Variants in VARS2 observed in about 807,000 individuals in gnomAD.
VARS2 encodes the protein valine--tRNA ligase, mitochondrial.
A neutral mutation model predicts 154.1 loss-of-function variants in VARS2; 105 were observed. That is an observed-to-expected ratio of 0.68 (90% CI 0.58 to 0.80). The LOEUF (loss-of-function observed/expected upper bound fraction) is 0.80, where lower values mean the gene tolerates loss of function less well. VARS2 is among the 30% of genes least tolerant of loss of function. The probability of loss-of-function intolerance (pLI) is 0.00; values close to 1 mark genes in which losing one functional copy is unlikely to be tolerated. For missense variants in VARS2, 1,157 were observed against 1,361.4 expected, an observed-to-expected ratio of 0.85 and a Z score of 2.36; for synonymous variants, 483 against 539.5, an observed-to-expected ratio of 0.90 and a Z score of 1.45.
chr6:30,918,256 C>T (rs962294265), intron 10 of VARS2, among the ~76,000 whole-genome samples: 1 of 152,078 alleles, frequency 6.6e-6, no homozygotes, highest in Non-Finnish European at 1.5e-5. Flanking sequence ...TTAGTAGAGA[C>T]GGGGTTTCAC....
rs757612444 is a variant in VARS2 at position 30,922,489 on chromosome 6, A to C, written c.1972A>C (p.Lys658Gln). The change falls in exon 21 of 30, where the codon AAG (lysine) becomes CAG (glutamine). Residue 658 changes from lysine to glutamine, a missense_variant. Lys to Gln is a moderately conservative substitution (Grantham distance 53). Coordinates refer to ENST00000676266, the MANE Select transcript of VARS2 (RefSeq NM_020442.6). The stretch of plus-strand genomic sequence containing the variant: ...CATGGTTCGGGACAGGCAGGGCCGG[A>C]AGATGAGCAAGTCCCTGGGGAATGT... ...HPMVRDRQGR[K>Q]MSKSLGNVLD... 1.9e-6 allele frequency: 3 copies of C among 1,598,466 alleles called. No individual in the cohort carries two copies. The highest frequency in any genetic ancestry group is 2.6e-6 in the Non-Finnish European group (3 of 1,173,154).
Position 30,920,667 on chromosome 6 carries a change from G to C in VARS2, c.1398-1G>C, listed in dbSNP as rs1404158345. 7.0e-6 allele frequency: 11 copies of C among 1,576,668 alleles called. No individual in the cohort carries two copies. The highest frequency in any genetic ancestry group is 9.5e-6 in the Non-Finnish European group (11 of 1,160,886). The stretch of plus-strand genomic sequence containing the variant: ...GTGGACTCACCCTGTCTCTCTTTCA[G>C]CCGTTCTGGGGATGTGATAGAATAC... On this transcript the variant is annotated splice_acceptor_variant, in intron 14 of 29. Coordinates refer to ENST00000676266, the MANE Select transcript of VARS2 (RefSeq NM_020442.6). LOFTEE classifies it high-confidence loss of function. The surrounding 1 kb of genome is among the most constrained non-coding windows in gnomAD (Gnocchi z 4.6).
In VARS2 at chr6:30,919,082, T is replaced by A; in HGVS notation, c.1074+167T>A. 1.6e-6 allele frequency: 1 copy of A among 637,736 alleles called. No individual in the cohort carries two copies. The highest frequency in any genetic ancestry group is 2.7e-6 in the Non-Finnish European group (1 of 372,900). 39.5% of individuals were successfully genotyped at this position (637,736 alleles called of 1,614,324 possible). On this transcript the variant is annotated intron_variant, in intron 11 of 29. Coordinates refer to ENST00000676266, the MANE Select transcript of VARS2 (RefSeq NM_020442.6). This position sits in a 1 kb window ranked among gnomAD's most constrained non-coding sequence, Gnocchi z 4.5. ...CCTCCTCTTATAGTTTTTCTGTAGC[T>A]CAGGGGTTGACAAACTGGCCCATGG...
Position 30,924,544 on chromosome 6 carries a change from C to T in VARS2, c.2657C>T (p.Pro886Leu), listed in dbSNP as rs776424612. 6.5e-7 allele frequency: 1 copy of T among 1,546,172 alleles called. No individual in the cohort carries two copies. The highest frequency in any genetic ancestry group is 1.4e-5 in the African/African-American group (1 of 73,158). Residue 886 changes from proline (P) to leucine (L), a missense_variant, in exon 26 of 30, where the codon CCC becomes CTC. Coordinates refer to ENST00000676266, the MANE Select transcript of VARS2 (RefSeq NM_020442.6). Reference sequence around the variant, plus strand: ...CCCAGCATCTCGGTTGCCCCCTACCCCAGCGCCTGCAGCTTGGTGAGTCCC... The same window carrying T: ...CCCAGCATCTCGGTTGCCCCCTACCTCAGCGCCTGCAGCTTGGTGAGTCCC... ...PAPSISVAPY[P>L]SACSLEHWRQ...
In VARS2 at chr6:30,915,770, G is replaced by A; in HGVS notation, c.409G>A (p.Glu137Lys). ...YQARLPQATG[E>K]TFSMCIPPPN... ...GGCCCGGCTGCCCCAAGCTACAGGG[G>A]AGACCTTTTCCATGTGTATCCCACC... Residue 137 changes from glutamate to lysine, a missense_variant, in exon 5 of 30, where the codon GAG (glutamate) becomes AAG (lysine). Transcript: ENST00000676266. 1 of 1,613,598 alleles carries A rather than the reference G, an allele frequency of 6.2e-7. No homozygotes were observed. The highest frequency in any genetic ancestry group is 8.5e-7 in the Non-Finnish European group (1 of 1,180,038).
rs1430755410 is a variant in VARS2 at position 30,925,642 on chromosome 6, C to T, written c.2884C>T (p.Pro962Ser). The part of the protein sequence containing the change: ...LGYCGAVGLL[P>S]PGAAAPSGWA... Reference sequence around the variant, plus strand: ...CTACTGTGGGGCTGTGGGCCTGTTACCCCCAGGCGCAGCAGCTCCCTCCGG... The same window carrying T: ...CTACTGTGGGGCTGTGGGCCTGTTATCCCCAGGCGCAGCAGCTCCCTCCGG... Residue 962 changes from proline (P) to serine (S), a missense_variant, in exon 28 of 30, where the codon CCC becomes TCC. Coordinates refer to ENST00000676266, the MANE Select transcript of VARS2 (RefSeq NM_020442.6). 2 of 1,610,896 alleles carry T rather than the reference C, an allele frequency of 1.2e-6. No individual in the cohort carries two copies. Among genetic ancestry groups the T allele is most frequent in the Admixed American group, 1.7e-5 (1 of 59,898 alleles).
In VARS2 at chr6:30,919,504, T is replaced by C. The variant is rs761255368; in HGVS notation, c.1075-254T>C. 8.1e-6 allele frequency: 3 copies of C among 369,166 alleles called. No homozygotes were observed. The highest frequency in any genetic ancestry group is 1.5e-5 in the Non-Finnish European group (3 of 206,470). The allele number at this position is 369,166 out of a possible 1,614,324, so 22.9% of individuals were successfully genotyped here. A position where few individuals can be genotyped will look rare whatever the true frequency, so the allele number is the denominator to read the frequency against. On this transcript the variant is annotated intron_variant, in intron 11 of 29. Coordinates refer to ENST00000676266, the MANE Select transcript of VARS2 (RefSeq NM_020442.6). The surrounding 1 kb of genome is among the most constrained non-coding windows in gnomAD (Gnocchi z 4.5). ...CTGGCTGCTTGCAGCCTTTATATTA[T>C]CTATGGCTGCTATTATATACCCTCT...
chr6:30,916,209 C>A lies in VARS2; in HGVS notation c.631C>A (p.Arg211=). 6.2e-7 allele frequency: 1 copy of A among 1,613,586 alleles called. No individual in the cohort carries two copies. The highest frequency in any genetic ancestry group is 1.1e-5 in the South Asian group (1 of 91,042). The part of the protein sequence containing the change: ...ERGVRRHELS[R]EAFLREVWQW... ...GGGAGTGAGGAGACATGAGCTGAGCCGGGAGGCCTTCCTTAGGGAGGTGTG... is the reference window on the plus strand; with the variant it reads ...GGGAGTGAGGAGACATGAGCTGAGCAGGGAGGCCTTCCTTAGGGAGGTGTG... Residue 211 remains arginine, a synonymous_variant, in exon 7 of 30, where the codon CGG becomes AGG. Transcript: ENST00000676266. This position sits in a 1 kb window ranked among gnomAD's most constrained non-coding sequence, Gnocchi z 4.0.
At chr6:30,922,067 T>C (rs180973216) in intron 19 of VARS2, 49 bp from the exon 20 acceptor site, 1 of 1,611,786 alleles carries the variant, frequency 6.2e-7, no homozygotes. Context: ...CCACAGAGGC[T>C]TGAGGGGGGC....
chr6:30,920,163 A>C lies in VARS2; in HGVS notation c.1240A>C (p.Asn414His). ...MGARHGLSPL[N>H]VIAEDGTMTS... ...GGCCCGACATGGCTTGAGCCCCTTGAATGTCATTGCGGAGGATGGGACCAT... is the reference window on the plus strand; with the variant it reads ...GGCCCGACATGGCTTGAGCCCCTTGCATGTCATTGCGGAGGATGGGACCAT... The change falls in exon 13 of 30, where the codon AAT becomes CAT. Residue 414 changes from asparagine (N) to histidine (H), a missense_variant. By Grantham distance (68) the Asn-to-His change is moderately conservative. Coordinates refer to ENST00000676266, the MANE Select transcript of VARS2 (RefSeq NM_020442.6). This position sits in a 1 kb window ranked among gnomAD's most constrained non-coding sequence, Gnocchi z 4.6. The C allele has an allele frequency of 1.3e-6, 2 of 1,593,066 alleles. No homozygotes were observed. Among genetic ancestry groups the C allele is most frequent in the Non-Finnish European group, 1.7e-6 (2 of 1,168,836 alleles).
At position 30,922,538 on chromosome 6, in the gene VARS2, G is replaced by A; in HGVS notation, c.2021G>A (p.Ser674Asn). ...GNVLDPRDII[S>N]GVEMQVLQEK... ...GTGCTGGACCCAAGAGACATCATCA[G>A]TGGGGTGGAGATGCAGGTGAGGACG... is the stretch of plus-strand genomic sequence containing the variant. Residue 674 changes from serine to asparagine, a missense_variant, in exon 21 of 30, where the codon AGT becomes AAT. Ser to Asn is a conservative substitution (Grantham distance 46). Transcript: ENST00000676266. 1 of 1,566,400 alleles carries A rather than the reference G, an allele frequency of 6.4e-7. No individual in the cohort carries two copies. The highest frequency in any genetic ancestry group is 8.7e-7 in the Non-Finnish European group (1 of 1,155,928).
Position 30,921,494 on chromosome 6 carries a change from C to A in VARS2, c.1633-95C>A. The A allele has an allele frequency of 1.4e-6, 2 of 1,478,302 alleles. No individual in the cohort carries two copies. Among genetic ancestry groups the A allele is most frequent in the Non-Finnish European group, 1.8e-6 (2 of 1,081,636 alleles). 91.6% of individuals were successfully genotyped at this position (1,478,302 alleles called of 1,614,324 possible). ...TATCTCACCCCTGGGGGAACCTGGC[C>A]ACTCTAAGACCACATGAGGACGTGA... is the stretch of plus-strand genomic sequence containing the variant. On this transcript the variant is annotated intron_variant, in intron 17 of 29. Coordinates refer to ENST00000676266, the MANE Select transcript of VARS2 (RefSeq NM_020442.6). The surrounding 1 kb of genome is among the most constrained non-coding windows in gnomAD (Gnocchi z 4.6).
Position 30,916,154 on chromosome 6 carries a change from T to G in VARS2, c.576T>G (p.Ala192=). The G allele has an allele frequency of 6.2e-7, 1 of 1,613,810 alleles. No homozygotes were observed. Among genetic ancestry groups the G allele is most frequent in the Non-Finnish European group, 8.5e-7 (1 of 1,179,796 alleles). Residue 192 remains alanine, a splice_region_variant and synonymous_variant, in exon 7 of 30, where the codon GCT becomes GCG. Transcript: ENST00000676266. The surrounding 1 kb of genome is among the most constrained non-coding windows in gnomAD (Gnocchi z 4.0). ...ATTTGCCCTGAATCCAACTGCAGGC[T>G]GTGGTGGAGAAACAACTGTGGAAGG... ...GSDHAGIATQ[A]VVEKQLWKER... is the part of the protein sequence containing the mutation.
chr6:30,916,145 A>G lies in VARS2; in HGVS notation c.574-7A>G, dbSNP rs766933357. ...ACTCTGTTCATTTGCCCTGAATCCA[A>G]CTGCAGGCTGTGGTGGAGAAACAAC... On this transcript the variant is annotated splice_polypyrimidine_tract_variant and splice_region_variant and intron_variant, in intron 6 of 29. Transcript: ENST00000676266. This position sits in a 1 kb window ranked among gnomAD's most constrained non-coding sequence, Gnocchi z 4.0. The G allele has an allele frequency of 9.3e-6, 15 of 1,613,716 alleles. No individual in the cohort carries two copies. The highest frequency in any genetic ancestry group is 1.2e-5 in the Non-Finnish European group (14 of 1,179,774).
intron 24 of VARS2, 35 bp from the exon 25 acceptor site, chr6:30,923,318 G>A (rs201739450): frequency 8.7e-6 from 14 of 1,606,216 alleles, no homozygotes; most frequent in Non-Finnish European, 1.2e-5. Context: ...GGCAGGGGAG[G>A]GGGAGTCAGG....
Position 30,915,239 on chromosome 6 carries a change from T to G in VARS2, c.283+2T>G. On this transcript the variant is annotated splice_donor_variant, in intron 3 of 29. Coordinates refer to ENST00000676266, the MANE Select transcript of VARS2 (RefSeq NM_020442.6). LOFTEE classifies it high-confidence loss of function. ...CTACGAAACCCGGTGAAAAGAAAGG[T>G]AAGTAGAATAAGTAAGAAGGCCTTT... is the stretch of plus-strand genomic sequence containing the variant. 6.2e-7 allele frequency: 1 copy of G among 1,613,952 alleles called. No individual in the cohort carries two copies. Among genetic ancestry groups the G allele is most frequent in the South Asian group, 1.1e-5 (1 of 91,082 alleles).
chr6:30,917,552 G>C lies in VARS2; in HGVS notation c.874-143G>C, dbSNP rs532569293. On this transcript the variant is annotated intron_variant, in intron 9 of 29. Transcript: ENST00000676266. This position sits in a 1 kb window ranked among gnomAD's most constrained non-coding sequence, Gnocchi z 4.4. ...ACTGCACGAGCATTGGGTGAGGGCA[G>C]AGGGAGGTAGCTCCCGAATCCTCCA... The C allele has an allele frequency of 2.3e-5, 18 of 790,552 alleles. No individual in the cohort carries two copies. The South Asian group carries it at 3.2e-4, about 14-fold the overall frequency. The allele number at this position is 790,552 out of a possible 1,614,324, so 49.0% of individuals were successfully genotyped here. A position where few individuals can be genotyped will look rare whatever the true frequency, so the allele number is the denominator to read the frequency against.
At chr6:30,914,576 A>G in intron 1 of VARS2, 1 of 1,314,116 alleles carries the variant, frequency 7.6e-7, no homozygotes. Context: ...GTCAGTGGTC[A>G]CCGCCGAATC....
chr6:30,914,711 T>A, intron 1 of VARS2, 99 bp from the exon 2 acceptor site: 1 of 1,245,296 alleles, frequency 8.0e-7, no homozygotes, highest in South Asian at 1.5e-5. Context: ...AGACTTGGAA[T>A]AACAGACCTG....
Sources: allele counts gnomAD v4.1 joint callset (sites outside exome capture counted in the v4.1 genomes callset), GRCh38; gene constraint gnomAD v4.1.1; non-coding constraint Gnocchi (gnomAD v3.1); transcripts MANE v1.5; gene names NCBI Gene and HGNC (gene_info 2026-07-23, HGNC 2026-07-21).